Variants in PAPOLA observed in about 807,000 individuals in gnomAD.
PAPOLA encodes polynucleotide adenylyltransferase alpha.
In PAPOLA, 15 loss-of-function variants were observed where a neutral mutation model predicts 100.6. That is an observed-to-expected ratio of 0.15 (90% CI 0.10 to 0.23). The LOEUF (loss-of-function observed/expected upper bound fraction) is 0.23, where lower values mean the gene tolerates loss of function less well. PAPOLA is among the 10% of genes least tolerant of loss of function. PAPOLA has a pLI of 1.00. For missense variants in PAPOLA, 533 were observed against 884.2 expected (o/e 0.60, Z 5.04); for synonymous variants, 293 against 300.0 (o/e 0.98, Z 0.24).
chr14:96,536,896 C>T, intron 11 of PAPOLA, 80 bp from the exon 12 acceptor site: 6 of 790,456 alleles, frequency 7.6e-6, no homozygotes, highest in Non-Finnish European at 1.3e-5. Context: ...ATAGTGAGTG[C>T]ATGTAGTATG....
intron 16 of PAPOLA, among the ~76,000 whole-genome samples, chr14:96,550,343 C>T (rs973029295): frequency 2.0e-5 from 3 of 152,122 alleles, no homozygotes; most frequent in Admixed American, 1.3e-4. Flanking sequence ...CCTTTTTAAA[C>T]TCTTAGTATT....
At chr14:96,533,585 C>T in intron 9 of PAPOLA, 1 of 681,778 alleles carries the variant, frequency 1.5e-6, no homozygotes, top group Non-Finnish European at 1.7e-6. Flanking sequence ...GACGGAGTCT[C>T]ACTCTGTCAC....
At chr14:96,535,389 A>G (rs924586424) in intron 10 of PAPOLA, 4 of 980,186 alleles carry the variant, frequency 4.1e-6, no homozygotes, top group African/African-American at 1.8e-5. Context: ...ATATCATTTC[A>G]TTATCTCCTA....
chr14:96,559,573 C>CTATATA (rs1314142161), intron 19 of PAPOLA, among the ~76,000 whole-genome samples: 3 of 116,638 alleles, frequency 2.6e-5, no homozygotes, highest in Admixed American at 1.6e-4. Flanking sequence ...CTCTCTCTCT[C>CTATATA]TCTCTCTCTA....
chr14:96,506,527 T>G (rs576791209), intron 1 of PAPOLA, among the ~76,000 whole-genome samples: 2 of 152,318 alleles, frequency 1.3e-5, no homozygotes, highest in African/African-American at 4.8e-5. Context: ...GGTAAACAAC[T>G]GACTATTCCT....
intron 21 of PAPOLA, 70 bp downstream of exon 21, chr14:96,562,963 G>T: frequency 2.3e-6 from 2 of 867,850 alleles, no homozygotes; most frequent in Non-Finnish European, 3.8e-6. Flanking sequence ...TTGAATTAAA[G>T]TGAGAGTTCA....
At chr14:96,545,754 A>G (rs1469501150) in intron 15 of PAPOLA, among the ~76,000 whole-genome samples, 6 of 152,076 alleles carry the variant, frequency 3.9e-5, no homozygotes, top group Non-Finnish European at 1.5e-5. Flanking sequence ...AATCAATACA[A>G]TAACAAAAAT....
At chr14:96,545,071 C>T (rs1277811026) in intron 15 of PAPOLA, among the ~76,000 whole-genome samples, 3 of 152,036 alleles carry the variant, frequency 2.0e-5, no homozygotes, top group Non-Finnish European at 4.4e-5. Context: ...CCTTTTCTCT[C>T]GCAGATACTG....
Position 96,524,142 on chromosome 14 carries a change from G to C in PAPOLA, c.250-1168G>C, listed in dbSNP as rs546874324. On this transcript the variant is annotated intron_variant, in intron 3 of 21. Transcript: ENST00000216277. Reference sequence around the variant, plus strand: ...AGGGGGGTGGTCTTTTACATGTTTTGGTACTGAATAGATATTTTATTATAC... The same window carrying C: ...AGGGGGGTGGTCTTTTACATGTTTTCGTACTGAATAGATATTTTATTATAC... 5.9e-5 allele frequency among the ~76,000 whole-genome samples: 9 copies of C among 151,656 alleles called. No homozygotes were observed. The South Asian group carries it at 1.0e-3, about 18-fold the overall frequency.
chr14:96,510,306 C>T (rs1897022845), intron 1 of PAPOLA, among the ~76,000 whole-genome samples: 1 of 152,008 alleles, frequency 6.6e-6, no homozygotes, highest in African/African-American at 2.4e-5. Flanking sequence ...TTTTCTGATA[C>T]ATTTTCACAC....
intron 1 of PAPOLA, among the ~76,000 whole-genome samples, chr14:96,503,432 T>TG (rs1297697584): frequency 6.6e-6 from 1 of 152,180 alleles, no homozygotes; most frequent in Admixed American, 6.5e-5. Flanking sequence ...CTTTTCTTGG[T>TG]GGGTTTTTAA....
intron 1 of PAPOLA, 28 bp downstream of exon 1, chr14:96,502,628 C>T: frequency 1.9e-6 from 3 of 1,565,638 alleles, no homozygotes; most frequent in East Asian, 4.9e-5. Flanking sequence ...TGTTTTCTTT[C>T]GCTCGCCGGC....
chr14:96,502,685 G>T, intron 1 of PAPOLA, 85 bp downstream of exon 1: 1 of 1,473,902 alleles, frequency 6.8e-7, no homozygotes, highest in Non-Finnish European at 9.1e-7. Flanking sequence ...GGCGGAGAGG[G>T]TGGCACGCGA....
intron 1 of PAPOLA, among the ~76,000 whole-genome samples, chr14:96,519,272 G>A (rs986041635): frequency 1.7e-4 from 26 of 152,014 alleles, no homozygotes; most frequent in African/African-American, 4.6e-4. Flanking sequence ...AGAAATAACC[G>A]ATCCAGATTT....
intron 11 of PAPOLA, 68 bp downstream of exon 11, chr14:96,536,067 C>A (rs1343321473): frequency 6.7e-6 from 8 of 1,187,216 alleles, no homozygotes; most frequent in South Asian, 2.7e-5. Context: ...ACCCAGTAGT[C>A]AGCTGTGCAA....
chr14:96,532,346 A>G lies in PAPOLA; in HGVS notation c.623A>G (p.Asp208Gly). The G allele has an allele frequency of 6.2e-7, 1 of 1,612,342 alleles. No individual in the cohort carries two copies. Among genetic ancestry groups the G allele is most frequent in the Non-Finnish European group, 8.5e-7 (1 of 1,179,584 alleles). The stretch of plus-strand genomic sequence containing the variant: ...TATTAATTAGGTTGCAGGGTAACCG[A>G]TGAAATTTTACATCTAGTACCAAAC... Reference protein sequence around the residue: ...IRSLNGCRVTDEILHLVPNID... With the variant: ...IRSLNGCRVTGEILHLVPNID... The change falls in exon 8 of 22, where the codon GAT (aspartate) becomes GGT (glycine). Residue 208 changes from aspartate (D) to glycine (G), a missense_variant. Coordinates refer to ENST00000216277, the MANE Select transcript of PAPOLA (RefSeq NM_032632.5).
chr14:96,564,984 C>A lies in PAPOLA; in HGVS notation c.2172C>A (p.Ile724=). Residue 724 remains isoleucine (I), a synonymous_variant, in exon 22 of 22, where the codon ATC becomes ATA. Transcript: ENST00000216277. ...QKTSSTDLSD[I]PALPANPIPV... is the part of the protein sequence containing the mutation. ...CATCCAGTACAGACCTTTCTGATAT[C>A]CCTGCTCTCCCTGCAAATCCTATTC... The A allele has an allele frequency of 6.3e-7, 1 of 1,596,302 alleles. No homozygotes were observed. Among genetic ancestry groups the A allele is most frequent in the African/African-American group, 1.3e-5 (1 of 74,650 alleles).
At chr14:96,506,180 A>G (rs1896705739) in intron 1 of PAPOLA, among the ~76,000 whole-genome samples, 1 of 152,342 alleles carries the variant, frequency 6.6e-6, no homozygotes, top group African/African-American at 2.4e-5. Context: ...CTGGGATTAC[A>G]GGCATGAGCC....
intron 14 of PAPOLA, among the ~76,000 whole-genome samples, chr14:96,543,518 A>G (rs1040057437): frequency 6.6e-6 from 1 of 152,004 alleles, no homozygotes; most frequent in Non-Finnish European, 1.5e-5. Flanking sequence ...AAGTGAAAGG[A>G]TCATTAAATT....
Sources: allele counts gnomAD v4.1 joint callset (sites outside exome capture counted in the v4.1 genomes callset), GRCh38; gene constraint gnomAD v4.1.1; transcripts MANE v1.5; gene names NCBI Gene and HGNC (gene_info 2026-07-23, HGNC 2026-07-21).